ZNF710: variants seen among roughly 807,000 people sequenced by gnomAD.
The protein encoded by ZNF710 is zinc finger protein 710.
ZNF710 carries 13 observed loss-of-function variants against 50.6 expected under a neutral mutation model. The ratio of observed to expected loss-of-function variants is 0.26; its 90% CI spans 0.17 to 0.41. The LOEUF is 0.41. Ranked by LOEUF, ZNF710 falls within the 10% of genes least tolerant of loss-of-function variation. The pLI is 1.00. For missense variants in ZNF710, 721 were observed against 936.6 expected, an observed-to-expected ratio of 0.77 and a Z score of 3.01; for synonymous variants, 383 against 397.0, an observed-to-expected ratio of 0.96 and a Z score of 0.42.
At chr15:90,044,441 G>A (rs1354332101) in intron 1 of ZNF710, among the ~76,000 whole-genome samples, 1 of 152,200 alleles carries the variant, frequency 6.6e-6, no homozygotes, top group Non-Finnish European at 1.5e-5. Flanking sequence ...GAGGAAGGGG[G>A]CCGGTCCACA....
intron 1 of ZNF710, among the ~76,000 whole-genome samples, chr15:90,021,880 G>A (rs1172629077): frequency 2.0e-5 from 3 of 152,132 alleles, no homozygotes; most frequent in African/African-American, 7.2e-5. Flanking sequence ...GAGGTCAGAA[G>A]TTCAAGACCA....
chr15:90,033,976 C>T lies in ZNF710; in HGVS notation c.-29+32362C>T, dbSNP rs539751523. Among the ~76,000 whole-genome samples the T allele has an allele frequency of 3.5e-4, 54 of 152,250 alleles. No homozygotes were observed. In the South Asian group the frequency reaches 4.6e-3, roughly 13 times the overall value. On this transcript the variant is annotated intron_variant, in intron 1 of 4. Coordinates refer to ENST00000268154, the MANE Select transcript of ZNF710 (RefSeq NM_198526.4). ...CAGCACTTCTGAAGGCCGAGGCAGGCAGATCACTTGAGGTCAGGAGTTCAA... is the reference window on the plus strand; with the variant it reads ...CAGCACTTCTGAAGGCCGAGGCAGGTAGATCACTTGAGGTCAGGAGTTCAA...
At chr15:90,001,972 A>T (rs1341651749) in intron 1 of ZNF710, among the ~76,000 whole-genome samples, 1 of 144,154 alleles carries the variant, frequency 6.9e-6, no homozygotes, top group Non-Finnish European at 1.5e-5. Context: ...CGAATGAGAG[A>T]GAGAGAGAGA....
At position 90,067,023 on chromosome 15, in the gene ZNF710, T is replaced by C. The variant is rs1596055750; in HGVS notation, c.-28-87T>C. 1 of 1,431,610 alleles carries C rather than the reference T, an allele frequency of 7.0e-7. No individual in the cohort carries two copies. Among genetic ancestry groups the C allele is most frequent in the East Asian group, 2.4e-5 (1 of 41,092 alleles). The allele number at this position is 1,431,610 out of a possible 1,614,324, so 88.7% of individuals were successfully genotyped here. ...ACATCAGAGCCAGACACACCCAAAATCAGCCAAGCCCTTGTCTGTGCTGTG... is the reference window on the plus strand; with the variant it reads ...ACATCAGAGCCAGACACACCCAAAACCAGCCAAGCCCTTGTCTGTGCTGTG... On this transcript the variant is annotated intron_variant, in intron 1 of 4. Transcript: ENST00000268154. This position sits in a 1 kb window ranked among gnomAD's most constrained non-coding sequence, Gnocchi z 8.1.
intron 3 of ZNF710, among the ~76,000 whole-genome samples, chr15:90,073,598 T>G (rs1305999167): frequency 6.6e-6 from 1 of 152,042 alleles, no homozygotes; most frequent in Non-Finnish European, 1.5e-5. Context: ...TGGGGCAGAC[T>G]CACAGGAGCA....
Position 90,082,094 on chromosome 15 carries a change from T to G in ZNF710, c.*2265T>G, listed in dbSNP as rs1201817066. 2 of 152,252 alleles carry G rather than the reference T, an allele frequency of 1.3e-5. No homozygotes were observed. The highest frequency in any genetic ancestry group is 4.8e-5 in the African/African-American group (2 of 41,460). The allele number at this position is 152,252 out of a possible 1,614,324, so 9.4% of individuals were successfully genotyped here. A position where few individuals can be genotyped will look rare whatever the true frequency, so the allele number is the denominator to read the frequency against. On this transcript the variant is annotated 3_prime_UTR_variant, in exon 5 of 5. Transcript: ENST00000268154. ...TTGACATGTATACAAACCAACTGTT[T>G]AGAGATTCCACTTGTGCAAAGCCCT... is the stretch of plus-strand genomic sequence containing the variant.
Position 90,073,185 on chromosome 15 carries a change from T to A in ZNF710, c.1573T>A (p.Phe525Ile). The stretch of plus-strand genomic sequence containing the variant: ...CCGGCCCTACCAGTGCCACATCTGC[T>A]TCAAGACCTTTGTACAGAAGCAGAC... ...SVRPYQCHICFKTFVQKQTLK... is the reference protein window; with the variant it reads ...SVRPYQCHICIKTFVQKQTLK... Residue 525 changes from phenylalanine (F) to isoleucine (I), a missense_variant, in exon 3 of 5, where the codon TTC becomes ATC. Phe to Ile is a conservative substitution (Grantham distance 21, BLOSUM62 0). This residue lies in a region of ZNF710 where 326 missense variants were observed against 522.0 expected (regional missense o/e 0.62). Transcript: ENST00000268154. 6.2e-7 allele frequency: 1 copy of A among 1,614,210 alleles called. No homozygotes were observed. The highest frequency in any genetic ancestry group is 8.5e-7 in the Non-Finnish European group (1 of 1,180,040).
intron 1 of ZNF710, chr15:90,025,233 C>G (rs957722797): frequency 1.3e-5 from 2 of 152,138 alleles, no homozygotes; most frequent in African/African-American, 4.8e-5. Context: ...GGCATCAACA[C>G]TCTTTTGGGT....
chr15:90,068,144 G>T lies in ZNF710; in HGVS notation c.1007G>T (p.Ser336Ile). The part of the protein sequence containing the change: ...PHCSKLFKQP[S>I]HLQTHLLTHQ... ...TGCAGCAAGCTCTTCAAGCAGCCCA[G>T]CCACCTGCAGACGCACCTGCTGACG... is the stretch of plus-strand genomic sequence containing the variant. Residue 336 changes from serine (S) to isoleucine (I), a missense_variant, in exon 2 of 5, where the codon AGC (serine) becomes ATC (isoleucine). By Grantham distance (142) the Ser-to-Ile change is moderately radical (BLOSUM62 -2). Coordinates refer to ENST00000268154, the MANE Select transcript of ZNF710 (RefSeq NM_198526.4). The surrounding 1 kb of genome is among the most constrained non-coding windows in gnomAD (Gnocchi z 5.0). 2.5e-6 allele frequency: 4 copies of T among 1,614,242 alleles called. No individual in the cohort carries two copies. Among genetic ancestry groups the T allele is most frequent in the Non-Finnish European group, 3.4e-6 (4 of 1,180,050 alleles).
chr15:90,036,899 C>T (rs1442040508), intron 1 of ZNF710, among the ~76,000 whole-genome samples: 2 of 152,180 alleles, frequency 1.3e-5, no homozygotes, highest in African/African-American at 4.8e-5. Context: ...GGGGAATTCT[C>T]CGGCCCTCCT....
intron 1 of ZNF710, among the ~76,000 whole-genome samples, chr15:90,033,181 T>G (rs1460012004): frequency 6.6e-6 from 1 of 152,188 alleles, no homozygotes; most frequent in African/African-American, 2.4e-5. Context: ...AATGGGCGAT[T>G]GGTGGCTTCA....
Position 90,067,661 on chromosome 15 carries a change from C to T in ZNF710, c.524C>T (p.Pro175Leu). Residue 175 changes from proline to leucine, a missense_variant, in exon 2 of 5, where the codon CCC becomes CTC. By Grantham distance (98) the Pro-to-Leu change is moderately conservative (BLOSUM62 -3). Coordinates refer to ENST00000268154, the MANE Select transcript of ZNF710 (RefSeq NM_198526.4). The surrounding 1 kb of genome is among the most constrained non-coding windows in gnomAD (Gnocchi z 8.1). Reference sequence around the variant, plus strand: ...AAGCCCCGGACGCTCCGGCATCTGCCCCGAACCCCGAGGCCGGAGCTGAAC... The same window carrying T: ...AAGCCCCGGACGCTCCGGCATCTGCTCCGAACCCCGAGGCCGGAGCTGAAC... ...SRKPRTLRHL[P>L]RTPRPELNVA... 6.2e-7 allele frequency: 1 copy of T among 1,612,936 alleles called. No individual in the cohort carries two copies. Among genetic ancestry groups the T allele is most frequent in the South Asian group, 1.1e-5 (1 of 90,994 alleles).
intron 3 of ZNF710, 86 bp downstream of exon 3, chr15:90,073,348 C>T: frequency 4.0e-6 from 6 of 1,503,910 alleles, no homozygotes; most frequent in East Asian, 4.5e-5. Flanking sequence ...GCCCACCAAG[C>T]GCCAGCCTGG....
At chr15:90,074,883 A>G (rs1900539400) in intron 4 of ZNF710, 1 of 271,648 alleles carries the variant, frequency 3.7e-6, no homozygotes, top group African/African-American at 2.3e-5. Context: ...AAGGCAAAAA[A>G]GTGTCAATCA....
At chr15:90,054,034 CTTCTT>C (rs1899730390) in intron 1 of ZNF710, among the ~76,000 whole-genome samples, 1 of 152,132 alleles carries the variant, frequency 6.6e-6, no homozygotes, top group African/African-American at 2.4e-5. Flanking sequence ...TCCTTTCTTC[CTTCTT>C]TTCTTTTTTA....
At position 90,079,695 on chromosome 15, in the gene ZNF710, G is replaced by C. The variant is rs775025472; in HGVS notation, c.1861G>C (p.Glu621Gln). Residue 621 changes from glutamate (E) to glutamine (Q), a missense_variant, in exon 5 of 5, where the codon GAG becomes CAG. Physicochemically the swap from Glu to Gln is conservative, Grantham distance 29 (BLOSUM62 2). Around this residue, in one of 3 missense-constraint regions of ZNF710, gnomAD observed 69 missense variants for 67.6 expected, o/e 1.02. Transcript: ENST00000268154. ...GGAGCTGACAGGCACTGACCCTTCA[G>C]AGCTCGACGGCCAGCAGGAGATGGA... is the stretch of plus-strand genomic sequence containing the variant. ...MMELTGTDPS[E>Q]LDGQQEMEDF... 6.2e-7 allele frequency: 1 copy of C among 1,614,004 alleles called. No individual in the cohort carries two copies. Among genetic ancestry groups the C allele is most frequent in the Non-Finnish European group, 8.5e-7 (1 of 1,179,960 alleles).
At chr15:90,027,468 C>T (rs1404666910) in intron 1 of ZNF710, among the ~76,000 whole-genome samples, 1 of 152,082 alleles carries the variant, frequency 6.6e-6, no homozygotes, top group Non-Finnish European at 1.5e-5. Context: ...CCTCGGCCTC[C>T]CAAAGTGCTA....
In ZNF710 at chr15:90,034,385, G is replaced by T. The variant is rs1477024681; in HGVS notation, c.-28-32725G>T. Among the ~76,000 whole-genome samples, 1 of 151,806 alleles carries T rather than the reference G, an allele frequency of 6.6e-6. No individual in the cohort carries two copies. The highest frequency in any genetic ancestry group is 1.5e-5 in the Non-Finnish European group (1 of 67,956). The stretch of plus-strand genomic sequence containing the variant: ...TATTTGAAAAAGTGGATTGCATTGT[G>T]GGTCCCCAGAAGTTGCCAGCTGTCC... On this transcript the variant is annotated intron_variant, in intron 1 of 4. Coordinates refer to ENST00000268154, the MANE Select transcript of ZNF710 (RefSeq NM_198526.4). The surrounding 1 kb of genome is among the most constrained non-coding windows in gnomAD (Gnocchi z 4.0).
At chr15:90,024,920 C>T (rs748994206) in intron 1 of ZNF710, 1 of 152,266 alleles carries the variant, frequency 6.6e-6, no homozygotes, top group African/African-American at 2.4e-5. Context: ...TCTGAATTCA[C>T]TTGGTCTCTG....
Sources: allele counts gnomAD v4.1 joint callset (sites outside exome capture counted in the v4.1 genomes callset), GRCh38; gene constraint gnomAD v4.1.1; regional missense constraint gnomAD v4.1.1; non-coding constraint Gnocchi (gnomAD v3.1); transcripts MANE v1.5; gene names NCBI Gene and HGNC (gene_info 2026-07-23, HGNC 2026-07-21).